CASQ2: variants seen among roughly 807,000 people sequenced by gnomAD.
The protein encoded by CASQ2 is calsequestrin 2.
CASQ2 carries 49 observed loss-of-function variants against 46.5 expected under a neutral mutation model. That is an observed-to-expected ratio of 1.05 (90% CI 0.84 to 1.34). The LOEUF (loss-of-function observed/expected upper bound fraction) is 1.34, where lower values mean the gene tolerates loss of function less well. Ranked by LOEUF, CASQ2 falls within the 40% of genes most tolerant of loss-of-function variation. The pLI, the probability that CASQ2 is intolerant of heterozygous loss-of-function variation, is 0.00. For synonymous variants in CASQ2, 174 were observed against 168.5 expected, an observed-to-expected ratio of 1.03 and a Z score of -0.25; for missense variants, 486 against 481.3, an observed-to-expected ratio of 1.01 and a Z score of -0.09.
chr1:115,718,935 G>A (rs993261579), intron 7 of CASQ2, among the ~76,000 whole-genome samples: 1 of 152,112 alleles, frequency 6.6e-6, no homozygotes, highest in Non-Finnish European at 1.5e-5. Context: ...GGACAAGGCC[G>A]AGTGCATAGT....
chr1:115,728,250 T>C (rs1424997449), intron 5 of CASQ2, among the ~76,000 whole-genome samples: 2 of 152,062 alleles, frequency 1.3e-5, no homozygotes, highest in Admixed American at 1.3e-4. Flanking sequence ...ATCCATATGG[T>C]TTTTGTCATC....
chr1:115,716,345 G>C (rs1404745742), intron 8 of CASQ2, among the ~76,000 whole-genome samples: 1 of 152,142 alleles, frequency 6.6e-6, no homozygotes, highest in Non-Finnish European at 1.5e-5. Flanking sequence ...GGGTCATCTT[G>C]CACTTTCAAA....
chr1:115,709,476 A>G (rs1340207314), intron 8 of CASQ2, among the ~76,000 whole-genome samples: 2 of 152,218 alleles, frequency 1.3e-5, no homozygotes, highest in East Asian at 3.8e-4. Context: ...TATAGCCTAT[A>G]CTTCAAAAAA....
At chr1:115,705,157 C>A (rs1412921464) in intron 9 of CASQ2, 35 bp downstream of exon 9, 2 of 1,314,454 alleles carry the variant, frequency 1.5e-6, no homozygotes, top group Non-Finnish European at 2.2e-6. Flanking sequence ...GTTGTGACAG[C>A]AACTGAGGGT....
At chr1:115,703,292 G>A (rs980966522) in intron 9 of CASQ2, among the ~76,000 whole-genome samples, 2 of 152,210 alleles carry the variant, frequency 1.3e-5, no homozygotes, top group Non-Finnish European at 2.9e-5. Flanking sequence ...ATAGTTTATA[G>A]AGCCATTTCC....
chr1:115,714,329 G>A (rs1281248730), intron 8 of CASQ2, among the ~76,000 whole-genome samples: 1 of 152,120 alleles, frequency 6.6e-6, no homozygotes, highest in Non-Finnish European at 1.5e-5. Context: ...TCTTGGCTTA[G>A]GTATAGTGAG....
At chr1:115,709,138 A>C (rs935510253) in intron 8 of CASQ2, among the ~76,000 whole-genome samples, 2 of 152,262 alleles carry the variant, frequency 1.3e-5, no homozygotes, top group African/African-American at 4.8e-5. Context: ...GAGTTAAGGC[A>C]GCTAACCTGG....
Position 115,701,291 on chromosome 1 carries a change from T to TATCATC in CASQ2, c.1144_1149dup (p.Asp382_Asp383dup). The TATCATC allele has an allele frequency of 6.3e-7, 1 of 1,594,364 alleles. No homozygotes were observed. The highest frequency in any genetic ancestry group is 2.2e-5 in the East Asian group (1 of 44,770). ...TCATCATTATCCTCTTCATCAGAAT[T>TATCATC]ATCATCATCATCATCATCTTCATCA... is the stretch of plus-strand genomic sequence containing the variant. On this transcript the variant is annotated inframe_insertion, in exon 11 of 11. Coordinates refer to ENST00000261448, the MANE Select transcript of CASQ2 (RefSeq NM_001232.4).
intron 8 of CASQ2, among the ~76,000 whole-genome samples, chr1:115,708,182 A>G (rs763593430): frequency 2.6e-5 from 4 of 152,242 alleles, no homozygotes; most frequent in Non-Finnish European, 5.9e-5. Context: ...GAGTGAAGTC[A>G]AAAGTGTGGC....
At chr1:115,758,424 T>C (rs1370289707) in intron 1 of CASQ2, among the ~76,000 whole-genome samples, 3 of 152,244 alleles carry the variant, frequency 2.0e-5, no homozygotes, top group African/African-American at 7.2e-5. Flanking sequence ...AGTCAGGCAC[T>C]GGTTTAGGTG....
chr1:115,737,361 G>A (rs1014467914), intron 4 of CASQ2, among the ~76,000 whole-genome samples: 1 of 152,048 alleles, frequency 6.6e-6, no homozygotes, highest in Non-Finnish European at 1.5e-5. Context: ...TAAAGAAATG[G>A]GTTTGCAAAC....
intron 2 of CASQ2, among the ~76,000 whole-genome samples, chr1:115,743,503 C>A (rs774259033): frequency 6.6e-6 from 1 of 152,178 alleles, no homozygotes; most frequent in Non-Finnish European, 1.5e-5. Flanking sequence ...CTTGGCCTCC[C>A]AAAGTGCCCA....
chr1:115,710,771 A>G (rs1048278178), intron 8 of CASQ2, among the ~76,000 whole-genome samples: 3 of 151,586 alleles, frequency 2.0e-5, no homozygotes, highest in Admixed American at 6.6e-5. Flanking sequence ...GAGAACTGCA[A>G]CTCCTCTCCT....
At chr1:115,739,416 T>C (rs916207829) in intron 3 of CASQ2, among the ~76,000 whole-genome samples, 2 of 152,090 alleles carry the variant, frequency 1.3e-5, no homozygotes, top group African/African-American at 4.8e-5. Flanking sequence ...CGCTCCGCCA[T>C]GTACCACATT....
At chr1:115,723,683 G>T (rs569862206) in intron 7 of CASQ2, among the ~76,000 whole-genome samples, 18 of 151,986 alleles carry the variant, frequency 1.2e-4, no homozygotes, top group Non-Finnish European at 2.6e-4. Context: ...GACTACAGGC[G>T]CCTGCCACCA....
chr1:115,746,504 C>T (rs982552072), intron 1 of CASQ2, among the ~76,000 whole-genome samples: 6 of 152,168 alleles, frequency 3.9e-5, no homozygotes, highest in Non-Finnish European at 7.4e-5. Flanking sequence ...GTAGCATAAC[C>T]ATTTTTCATT....
chr1:115,701,310 T>TTCATCATCA lies in CASQ2; in HGVS notation c.1122_1130dup (p.Asp374_Asp376dup). On this transcript the variant is annotated inframe_insertion, in exon 11 of 11. Coordinates refer to ENST00000261448, the MANE Select transcript of CASQ2 (RefSeq NM_001232.4). Reference sequence around the variant, plus strand: ...CAGAATTATCATCATCATCATCATCTTCATCATCATCTTCAGTGTTTATCT... The same window carrying TTCATCATCA: ...CAGAATTATCATCATCATCATCATCTTCATCATCATCATCATCATCTTCAGTGTTTATCT... 1 of 1,593,584 alleles carries TTCATCATCA rather than the reference T, an allele frequency of 6.3e-7. No homozygotes were observed. The highest frequency in any genetic ancestry group is 1.1e-5 in the South Asian group (1 of 90,626).
chr1:115,726,997 G>A lies in CASQ2; in HGVS notation c.732C>T (p.His244=). 3 of 1,611,964 alleles carry A rather than the reference G, an allele frequency of 1.9e-6. No individual in the cohort carries two copies. Among genetic ancestry groups the A allele is most frequent in the Non-Finnish European group, 2.5e-6 (3 of 1,178,786 alleles). The change falls in exon 6 of 11, where the codon CAC becomes CAT. Residue 244 remains histidine (H), a synonymous_variant. Transcript: ENST00000261448. ...CCACATGCCATCTCAGGCACCTTTG[G>A]TGTTCCTTCACAAACTCCACCAGCT... ...EEELVEFVKE[H]QRPTLRRLRP... is the part of the protein sequence containing the mutation.
intron 2 of CASQ2, among the ~76,000 whole-genome samples, chr1:115,742,266 C>T (rs1157476821): frequency 1.3e-5 from 2 of 151,624 alleles, no homozygotes; most frequent in South Asian, 2.1e-4. Context: ...CATGAGACAC[C>T]GTGTCTGGCC....
Sources: gnomAD v4.1 joint callset for allele counts (sites outside exome capture counted in the v4.1 genomes callset) on GRCh38, gnomAD v4.1.1 for gene constraint, MANE v1.5 for transcripts, NCBI Gene and HGNC (gene_info 2026-07-23, HGNC 2026-07-21) for gene names.